SLC16A10: variants seen among roughly 807,000 people sequenced by gnomAD.
SLC16A10 encodes the protein monocarboxylate transporter 10.
In SLC16A10, 27 loss-of-function variants were observed where a neutral mutation model predicts 40.0. That is an observed-to-expected ratio of 0.67 (90% confidence interval 0.50 to 0.93). The LOEUF (loss-of-function observed/expected upper bound fraction) is 0.93, where lower values mean the gene tolerates loss of function less well. Among genes scored for constraint, SLC16A10 ranks in the 40% least tolerant of loss-of-function variants. SLC16A10 has a pLI of 0.00. For synonymous variants in SLC16A10, 213 were observed against 249.8 expected, an observed-to-expected ratio of 0.85 and a Z score of 1.39; for missense variants, 529 against 658.2, an observed-to-expected ratio of 0.80 and a Z score of 2.15.
rs149147007 is a variant in SLC16A10, at chr6:111,193,869, T to G, written c.943-12723T>G. Among the ~76,000 whole-genome samples the G allele has an allele frequency of 5.8e-3, 877 of 152,278 alleles. 4 individuals are homozygous for G. The highest frequency in any genetic ancestry group is 0.02 in the African/African-American group (836 of 41,562). On this transcript the variant is annotated intron_variant, in intron 3 of 5. Transcript: ENST00000368851. ...ATTTTTGTTAGGCCCTTATATTGGG[T>G]AATATAGTCTATGTAAGTATGGGAA... is the stretch of plus-strand genomic sequence containing the variant.
chr6:111,130,050 C>G (rs1771752865), intron 1 of SLC16A10, among the ~76,000 whole-genome samples: 2 of 152,112 alleles, frequency 1.3e-5, no homozygotes, highest in African/African-American at 4.8e-5. Flanking sequence ...TTAAGAAAAC[C>G]TACACTGGAG....
chr6:111,146,236 T>C (rs933535584), intron 1 of SLC16A10, among the ~76,000 whole-genome samples: 2 of 152,030 alleles, frequency 1.3e-5, no homozygotes, highest in African/African-American at 4.8e-5. Context: ...ATTAGAGAAA[T>C]GCAAATAGAA....
Position 111,222,469 on chromosome 6 carries a change from C to T in SLC16A10, c.*234C>T. ...GGTATATGAAAACGTCTGAAAGTCA[C>T]ATATTGTGAAAATTTGAAGCTATCT... On this transcript the variant is annotated 3_prime_UTR_variant, in exon 6 of 6. Coordinates refer to ENST00000368851, the MANE Select transcript of SLC16A10 (RefSeq NM_018593.5). The T allele has an allele frequency of 2.4e-6, 1 of 415,786 alleles. No individual in the cohort carries two copies. The highest frequency in any genetic ancestry group is 3.4e-5 in the South Asian group (1 of 29,194). The allele number at this position is 415,786 out of a possible 1,614,324, so 25.8% of individuals were successfully genotyped here. A position where few individuals can be genotyped will look rare whatever the true frequency, so the allele number is the denominator to read the frequency against.
chr6:111,102,993 C>T (rs1041890244), intron 1 of SLC16A10, among the ~76,000 whole-genome samples: 1 of 152,128 alleles, frequency 6.6e-6, no homozygotes, highest in African/African-American at 2.4e-5. Context: ...GCAGCCTTGA[C>T]TTCCCAGGCT....
intron 3 of SLC16A10, among the ~76,000 whole-genome samples, chr6:111,201,357 TAGTCCCAC>T (rs1562431587): frequency 6.6e-6 from 1 of 152,216 alleles, no homozygotes; most frequent in Non-Finnish European, 1.5e-5. Context: ...GTAGTTATTT[TAGTCCCAC>T]AGTCTCTACT....
intron 1 of SLC16A10, among the ~76,000 whole-genome samples, chr6:111,121,008 G>GA (rs757357177): frequency 6.6e-6 from 1 of 151,892 alleles, no homozygotes; most frequent in Non-Finnish European, 1.5e-5. Flanking sequence ...TTCCCTAATA[G>GA]AAAAAAATAT....
At chr6:111,160,578 C>T (rs555865989) in intron 1 of SLC16A10, among the ~76,000 whole-genome samples, 11 of 152,242 alleles carry the variant, frequency 7.2e-5, no homozygotes, top group Admixed American at 6.5e-5. Context: ...CAAGGCACCC[C>T]GCTCACTTGG....
At chr6:111,157,289 T>C (rs1016563394) in intron 1 of SLC16A10, among the ~76,000 whole-genome samples, 22 of 152,092 alleles carry the variant, frequency 1.4e-4, no homozygotes, top group Middle Eastern at 3.4e-3. Context: ...ACTTGGTTGT[T>C]GTTGTTGTTT....
In SLC16A10 at chr6:111,224,690, A is replaced by G. The variant is rs1770959323; in HGVS notation, c.*2455A>G. ...ATTCCATAAATGCATATTTAGTACT[A>G]TGTTTTTTGTGGGAAAAGTTCTAAA... On this transcript the variant is annotated 3_prime_UTR_variant, in exon 6 of 6. Transcript: ENST00000368851. The G allele has an allele frequency of 6.6e-6, 1 of 152,232 alleles. No individual in the cohort carries two copies. Among genetic ancestry groups the G allele is most frequent in the Non-Finnish European group, 1.5e-5 (1 of 68,042 alleles). The allele number at this position is 152,232 out of a possible 1,614,324, so 9.4% of individuals were successfully genotyped here.
At chr6:111,164,193 C>G (rs1434666530) in intron 1 of SLC16A10, among the ~76,000 whole-genome samples, 1 of 148,322 alleles carries the variant, frequency 6.7e-6, no homozygotes, top group Admixed American at 6.6e-5. Flanking sequence ...ATCCTCTAAA[C>G]TAGGCAAAAA....
chr6:111,178,434 ATAAT>A, intron 3 of SLC16A10: 1 of 532,206 alleles, frequency 1.9e-6, no homozygotes, highest in Non-Finnish European at 3.9e-6. Flanking sequence ...TGAAATACGA[ATAAT>A]TAATGTCTAG....
intron 1 of SLC16A10, among the ~76,000 whole-genome samples, chr6:111,152,255 C>T (rs1336899177): frequency 6.6e-6 from 1 of 152,182 alleles, no homozygotes; most frequent in Non-Finnish European, 1.5e-5. Flanking sequence ...ATTTTGTCAA[C>T]CAGCATATCA....
In SLC16A10 at chr6:111,188,833, A is replaced by G. The variant is rs564240680; in HGVS notation, c.942+11168A>G. ...ATATACATTTTATGATTCAACTCTCATGGTAACCTTTTATAAGGAAAGCAG... is the reference window on the plus strand; with the variant it reads ...ATATACATTTTATGATTCAACTCTCGTGGTAACCTTTTATAAGGAAAGCAG... On this transcript the variant is annotated intron_variant, in intron 3 of 5. Coordinates refer to ENST00000368851, the MANE Select transcript of SLC16A10 (RefSeq NM_018593.5). 1.2e-4 allele frequency among the ~76,000 whole-genome samples: 18 copies of G among 152,348 alleles called. No individual in the cohort carries two copies. In the South Asian group the frequency reaches 3.3e-3, roughly 28 times the overall value.
intron 3 of SLC16A10, among the ~76,000 whole-genome samples, chr6:111,196,078 G>A (rs1000198163): frequency 2.0e-5 from 3 of 151,946 alleles, no homozygotes; most frequent in African/African-American, 7.3e-5. Flanking sequence ...AATATTAGCT[G>A]AGCATTCCAG....
At chr6:111,153,749 T>A (rs907115061) in intron 1 of SLC16A10, among the ~76,000 whole-genome samples, 1 of 152,212 alleles carries the variant, frequency 6.6e-6, no homozygotes, top group East Asian at 1.9e-4. Context: ...TGAAACCGTA[T>A]ATATAAAGTG....
In SLC16A10 at chr6:111,222,255, A is replaced by C; in HGVS notation, c.*20A>C. 1 of 1,561,476 alleles carries C rather than the reference A, an allele frequency of 6.4e-7. No homozygotes were observed. Among genetic ancestry groups the C allele is most frequent in the South Asian group, 1.3e-5 (1 of 79,762 alleles). On this transcript the variant is annotated 3_prime_UTR_variant, in exon 6 of 6. Coordinates refer to ENST00000368851, the MANE Select transcript of SLC16A10 (RefSeq NM_018593.5). ...ATTTAATATCTTACATACCTCCACC[A>C]GACTGGACTTGCTTTTTGAATTTTA... is the stretch of plus-strand genomic sequence containing the variant.
chr6:111,195,447 G>A lies in SLC16A10; in HGVS notation c.943-11145G>A, dbSNP rs554609318. The stretch of plus-strand genomic sequence containing the variant: ...GAGGTGGTGACAGTTGTACAACAAT[G>A]TAAATGTACTTAATATAGTACACTT... On this transcript the variant is annotated intron_variant, in intron 3 of 5. Transcript: ENST00000368851. 7.9e-5 allele frequency among the ~76,000 whole-genome samples: 12 copies of A among 152,272 alleles called. No individual in the cohort carries two copies. The East Asian group carries it at 2.3e-3, about 29-fold the overall frequency.
At chr6:111,135,456 C>G (rs1227687766) in intron 1 of SLC16A10, among the ~76,000 whole-genome samples, 1 of 152,142 alleles carries the variant, frequency 6.6e-6, no homozygotes, top group Non-Finnish European at 1.5e-5. Context: ...TGCAAGATCT[C>G]AGGATTATCA....
rs1770943501 is a variant in SLC16A10, at chr6:111,223,738, T to G, written c.*1503T>G. On this transcript the variant is annotated 3_prime_UTR_variant, in exon 6 of 6. Transcript: ENST00000368851. ...AGTCATGTCCAGTTATATAAAACGT[T>G]ACTTTCTCATTTTTGAGAAGTTCAA... 2 of 152,250 alleles carry G rather than the reference T, an allele frequency of 1.3e-5. No individual in the cohort carries two copies. Among genetic ancestry groups the G allele is most frequent in the African/African-American group, 4.8e-5 (2 of 41,460 alleles). The allele number at this position is 152,250 out of a possible 1,614,324, so 9.4% of individuals were successfully genotyped here. A position where few individuals can be genotyped will look rare whatever the true frequency, so the allele number is the denominator to read the frequency against.
Sources: gnomAD v4.1 joint callset for allele counts (sites outside exome capture counted in the v4.1 genomes callset) on GRCh38, gnomAD v4.1.1 for gene constraint, MANE v1.5 for transcripts, NCBI Gene and HGNC (gene_info 2026-07-23, HGNC 2026-07-21) for gene names.